C16orf74: variants seen among roughly 807,000 people sequenced by gnomAD.
C16orf74 encodes the protein calcimembrin.
C16orf74 carries 10 observed loss-of-function variants against 6.5 expected under a neutral mutation model. The ratio of observed to expected loss-of-function variants is 1.54; its 90% CI spans 0.95 to 2.61. The LOEUF is 2.61. C16orf74 is among the 30% of genes most tolerant of loss of function. The pLI is 0.00. For synonymous variants in C16orf74, 60 were observed against 42.5 expected, an observed-to-expected ratio of 1.41 and a Z score of -1.60; for missense variants, 141 against 105.9, an observed-to-expected ratio of 1.33 and a Z score of -1.45.
intron 1 of C16orf74, among the ~76,000 whole-genome samples, chr16:85,746,113 G>A (rs1337073713): frequency 6.6e-6 from 1 of 152,180 alleles, no homozygotes; most frequent in Non-Finnish European, 1.5e-5. Context: ...TTGGGAGGAT[G>A]AGGCGGCAGG....
chr16:85,738,161 C>G (rs2054264956), intron 1 of C16orf74, among the ~76,000 whole-genome samples: 1 of 151,802 alleles, frequency 6.6e-6, no homozygotes, highest in Non-Finnish European at 1.5e-5. Flanking sequence ...GGGAGGATCA[C>G]TTGAGCCCAG....
intron 2 of C16orf74, among the ~76,000 whole-genome samples, chr16:85,726,520 C>A (rs1218547300): frequency 6.6e-6 from 1 of 152,132 alleles, no homozygotes; most frequent in Non-Finnish European, 1.5e-5. Flanking sequence ...GGACCTCCCC[C>A]AGGATCCCCG....
At chr16:85,744,946 A>T (rs2054356127) in intron 1 of C16orf74, among the ~76,000 whole-genome samples, 1 of 151,568 alleles carries the variant, frequency 6.6e-6, no homozygotes, top group African/African-American at 2.4e-5. Flanking sequence ...GTTCAAGACC[A>T]GCCTGACCAA....
intron 2 of C16orf74, among the ~76,000 whole-genome samples, chr16:85,716,961 G>T (rs546207321): frequency 6.6e-6 from 1 of 152,206 alleles, no homozygotes; most frequent in Non-Finnish European, 1.5e-5. Context: ...CCTGAGCCTG[G>T]GATTCCAGAA....
intron 1 of C16orf74, among the ~76,000 whole-genome samples, chr16:85,745,071 C>T (rs396480): frequency 0.51 from 73,859 of 144,094 alleles, 18,757 homozygotes; most frequent in Middle Eastern, 0.66. Context: ...AACCTGGGAG[C>T]TGCAGGTTGT....
chr16:85,746,251 G>A (rs2054372019), intron 1 of C16orf74, among the ~76,000 whole-genome samples: 1 of 152,284 alleles, frequency 6.6e-6, no homozygotes, highest in South Asian at 2.1e-4. Flanking sequence ...TAGGGAGGCC[G>A]AGGCAGGAGA....
At chr16:85,711,442 C>G (rs1174936932) in intron 2 of C16orf74, among the ~76,000 whole-genome samples, 1 of 145,610 alleles carries the variant, frequency 6.9e-6, no homozygotes, top group Non-Finnish European at 1.5e-5. Context: ...CGGAGAAACC[C>G]CGTCTCCACT....
intron 1 of C16orf74, among the ~76,000 whole-genome samples, chr16:85,743,846 G>C (rs2054338468): frequency 6.6e-6 from 1 of 152,104 alleles, no homozygotes; most frequent in Non-Finnish European, 1.5e-5. Context: ...GAGATCAGGA[G>C]ATCGAGACAA....
chr16:85,742,647 T>C (rs1366739634), intron 1 of C16orf74, among the ~76,000 whole-genome samples: 1 of 152,174 alleles, frequency 6.6e-6, no homozygotes, highest in Admixed American at 6.5e-5. Flanking sequence ...GTTCAAGCGA[T>C]TCTCCTGACT....
At chr16:85,733,452 C>T (rs1254623223) in intron 2 of C16orf74, among the ~76,000 whole-genome samples, 1 of 152,138 alleles carries the variant, frequency 6.6e-6, no homozygotes, top group South Asian at 2.1e-4. Context: ...ATGATGAAAC[C>T]TTCATTCTGA....
At chr16:85,741,483 G>T in intron 1 of C16orf74, 1 of 159,578 alleles carries the variant, frequency 6.3e-6, no homozygotes. Flanking sequence ...CTGGGGGCAG[G>T]ATGCAGTGAG....
intron 2 of C16orf74, among the ~76,000 whole-genome samples, chr16:85,725,757 C>CCACA (rs914273431): frequency 2.6e-5 from 4 of 152,182 alleles, no homozygotes; most frequent in Non-Finnish European, 5.9e-5. Context: ...GCGCATGCTA[C>CCACA]CACACCCAAC....
chr16:85,736,964 A>C (rs1053492736), intron 1 of C16orf74, among the ~76,000 whole-genome samples: 7 of 151,986 alleles, frequency 4.6e-5, no homozygotes, highest in Non-Finnish European at 1.5e-5. Flanking sequence ...GAATCACTTG[A>C]ACCCGTAGGT....
At chr16:85,733,615 G>A (rs1251581477) in intron 2 of C16orf74, among the ~76,000 whole-genome samples, 1 of 152,158 alleles carries the variant, frequency 6.6e-6, no homozygotes, top group Non-Finnish European at 1.5e-5. Flanking sequence ...CAGGCACTGG[G>A]GAACTCATGT....
At chr16:85,744,626 C>G (rs529540743) in intron 1 of C16orf74, among the ~76,000 whole-genome samples, 22 of 151,854 alleles carry the variant, frequency 1.4e-4, no homozygotes, top group African/African-American at 2.2e-4. Flanking sequence ...GTCAGGAGAT[C>G]GAGACCATCC....
intron 2 of C16orf74, among the ~76,000 whole-genome samples, chr16:85,722,981 C>T (rs1232571190): frequency 6.6e-6 from 1 of 152,176 alleles, no homozygotes; most frequent in Non-Finnish European, 1.5e-5. Context: ...GATCACACAG[C>T]TAATTTCAGG....
chr16:85,733,942 G>C (rs1164286088), intron 2 of C16orf74, among the ~76,000 whole-genome samples: 1 of 152,202 alleles, frequency 6.6e-6, no homozygotes, highest in African/African-American at 2.4e-5. Context: ...GCGGGCCTAA[G>C]ACCTAAACTG....
chr16:85,746,820 G>C (rs2054378722), intron 1 of C16orf74, among the ~76,000 whole-genome samples: 1 of 152,200 alleles, frequency 6.6e-6, no homozygotes, highest in South Asian at 2.1e-4. Context: ...CACACATGGT[G>C]CTTTTCTTCC....
At chr16:85,718,559 G>A (rs1339060725) in intron 2 of C16orf74, among the ~76,000 whole-genome samples, 2 of 152,182 alleles carry the variant, frequency 1.3e-5, no homozygotes, top group African/African-American at 2.4e-5. Context: ...CCCCCTCTTT[G>A]GGCCTCTGCT....
Sources: allele counts gnomAD v4.1 joint callset (sites outside exome capture counted in the v4.1 genomes callset), GRCh38; gene constraint gnomAD v4.1.1; transcripts MANE v1.5; gene names NCBI Gene and HGNC (gene_info 2026-07-23, HGNC 2026-07-21).